Variants in MAP2K1 observed in about 807,000 individuals in gnomAD.
MAP2K1 encodes dual specificity mitogen-activated protein kinase kinase 1.
Under a neutral mutation model 46.3 loss-of-function variants are expected in MAP2K1, and 16 were observed. The observed-to-expected ratio is 0.35, with a 90% confidence interval of 0.23 to 0.52. The LOEUF (loss-of-function observed/expected upper bound fraction) is 0.52. Ranked by LOEUF, MAP2K1 falls within the 20% of genes least tolerant of loss-of-function variation. MAP2K1 has a pLI of 0.94. For synonymous variants in MAP2K1, 183 were observed against 185.6 expected, an observed-to-expected ratio of 0.99 and a Z score of 0.11; for missense variants, 263 against 497.1, an observed-to-expected ratio of 0.53 and a Z score of 4.48.
At chr15:66,422,569 T>C (rs1277678742) in intron 1 of MAP2K1, among the ~76,000 whole-genome samples, 3 of 152,190 alleles carry the variant, frequency 2.0e-5, no homozygotes, top group African/African-American at 7.2e-5. Flanking sequence ...ATGAATTATA[T>C]TGTAGTACCT....
At chr15:66,424,382 T>C (rs1053161938) in intron 1 of MAP2K1, among the ~76,000 whole-genome samples, 7 of 152,244 alleles carry the variant, frequency 4.6e-5, no homozygotes, top group Admixed American at 2.0e-4. Context: ...TTTGATTGAA[T>C]TTTGGATATT....
intron 1 of MAP2K1, among the ~76,000 whole-genome samples, chr15:66,402,280 T>A (rs2093383778): frequency 6.6e-6 from 1 of 152,216 alleles, no homozygotes; most frequent in African/African-American, 2.4e-5. Flanking sequence ...CTTTTGTGAT[T>A]AACTCTTTTT....
At chr15:66,456,908 T>C (rs1892178564) in intron 5 of MAP2K1, among the ~76,000 whole-genome samples, 1 of 152,274 alleles carries the variant, frequency 6.6e-6, no homozygotes, top group South Asian at 2.1e-4. Flanking sequence ...AAGCAAATTT[T>C]TAAAAAGTTT....
rs56200325 is a variant in MAP2K1 at position 66,435,144 on chromosome 15, C to T, written c.198C>T (p.Asp66=). ...AGAAGGTGGGAGAACTGAAGGATGACGACTTTGAGAAGATCAGTGAGCTGG... is the reference window on the plus strand; with the variant it reads ...AGAAGGTGGGAGAACTGAAGGATGATGACTTTGAGAAGATCAGTGAGCTGG... The part of the protein sequence containing the change: ...QKQKVGELKD[D]DFEKISELGA... Residue 66 remains aspartate (D), a synonymous_variant, in exon 2 of 11, where the codon GAC becomes GAT. Transcript: ENST00000307102. 28 of 1,613,950 alleles carry T rather than the reference C, an allele frequency of 1.7e-5. 1 individual carries two copies. The highest frequency in any genetic ancestry group is 1.6e-4 in the East Asian group (7 of 44,890).
chr15:66,472,165 G>A (rs1892651274), intron 5 of MAP2K1, among the ~76,000 whole-genome samples: 1 of 151,864 alleles, frequency 6.6e-6, no homozygotes, highest in African/African-American at 2.4e-5. Context: ...TTACCTGGAT[G>A]TGGTGGTGGG....
chr15:66,485,788 C>T (rs1283451975), intron 7 of MAP2K1, among the ~76,000 whole-genome samples: 2 of 152,074 alleles, frequency 1.3e-5, no homozygotes, highest in African/African-American at 2.4e-5. Context: ...TTATGTTGCT[C>T]AGGTTAGTCT....
At chr15:66,415,632 T>G (rs1192122063) in intron 1 of MAP2K1, among the ~76,000 whole-genome samples, 1 of 152,236 alleles carries the variant, frequency 6.6e-6, no homozygotes, top group East Asian at 1.9e-4. Context: ...CTTGTTGCCT[T>G]CAAGCTGACT....
At chr15:66,490,268 A>G in intron 10 of MAP2K1, 1 of 660,632 alleles carries the variant, frequency 1.5e-6, no homozygotes, top group Non-Finnish European at 2.8e-6. Flanking sequence ...CTGTCTCCAT[A>G]CTGCACGAGT....
chr15:66,482,550 A>C (rs1009917780), intron 6 of MAP2K1, among the ~76,000 whole-genome samples: 1 of 152,006 alleles, frequency 6.6e-6, no homozygotes, highest in Admixed American at 6.6e-5. Context: ...GCTGGCTCAC[A>C]CTGTCACCAG....
At chr15:66,481,718 G>C (rs2140667033) in intron 5 of MAP2K1, 37 bp from the exon 6 acceptor site, 1 of 1,608,060 alleles carries the variant, frequency 6.2e-7, no homozygotes. Context: ...ATCTACCTGT[G>C]TCAGTTCCCT....
At chr15:66,420,916 T>C (rs1045929282) in intron 1 of MAP2K1, among the ~76,000 whole-genome samples, 8 of 81,818 alleles carry the variant, frequency 9.8e-5, no homozygotes, top group African/African-American at 3.1e-4. Context: ...TACACACACA[T>C]ACATACATAT....
intron 1 of MAP2K1, among the ~76,000 whole-genome samples, chr15:66,396,259 A>G (rs906445620): frequency 6.6e-6 from 1 of 152,126 alleles, no homozygotes; most frequent in Non-Finnish European, 1.5e-5. Flanking sequence ...CTGGGATTAC[A>G]GGTGTGAGTC....
At chr15:66,476,985 TGG>T (rs1892768196) in intron 5 of MAP2K1, among the ~76,000 whole-genome samples, 1 of 152,206 alleles carries the variant, frequency 6.6e-6, no homozygotes, top group Admixed American at 6.5e-5. Flanking sequence ...CAGCATGCTC[TGG>T]GGTTCAGTGA....
intron 1 of MAP2K1, among the ~76,000 whole-genome samples, chr15:66,425,482 A>G (rs543686641): frequency 3.2e-4 from 48 of 152,220 alleles, no homozygotes; most frequent in African/African-American, 1.1e-3. Flanking sequence ...TAGGTGAGAA[A>G]AGTCTCATAG....
At chr15:66,483,877 A>G (rs901634051) in intron 6 of MAP2K1, among the ~76,000 whole-genome samples, 2 of 150,782 alleles carry the variant, frequency 1.3e-5, no homozygotes, top group Admixed American at 1.3e-4. Context: ...CCTCCCGAGT[A>G]GCTGGAACTA....
intron 5 of MAP2K1, among the ~76,000 whole-genome samples, chr15:66,449,669 T>C (rs1015117150): frequency 3.3e-5 from 5 of 152,108 alleles, no homozygotes; most frequent in African/African-American, 1.2e-4. Flanking sequence ...TCACCTGAGG[T>C]CATGAGTTTG....
At chr15:66,483,602 G>C (rs985852793) in intron 6 of MAP2K1, among the ~76,000 whole-genome samples, 2 of 152,106 alleles carry the variant, frequency 1.3e-5, no homozygotes, top group Non-Finnish European at 1.5e-5. Flanking sequence ...TTTCGGTAGG[G>C]TTCTTGAAAT....
At chr15:66,478,747 G>A (rs1350059552) in intron 5 of MAP2K1, among the ~76,000 whole-genome samples, 1 of 151,980 alleles carries the variant, frequency 6.6e-6, no homozygotes, top group East Asian at 1.9e-4. Context: ...AAAGTGCTGG[G>A]GTTACAGACG....
In MAP2K1 at chr15:66,387,039, GTT is replaced by G; in HGVS notation, c.-308_-307del. 2.9e-6 allele frequency: 1 copy of G among 347,592 alleles called. No individual in the cohort carries two copies. The highest frequency in any genetic ancestry group is 5.0e-5 in the Admixed American group (1 of 20,028). 21.5% of individuals were successfully genotyped at this position (347,592 alleles called of 1,614,324 possible). On this transcript the variant is annotated 5_prime_UTR_variant, in exon 1 of 11. Transcript: ENST00000307102. ...CCGCCCGAGCCGGAGGGACTGGTTG[GTT>G]GAGAGAGAGAGAGGAAGGGAATCCC...
Sources: allele counts gnomAD v4.1 joint callset (sites outside exome capture counted in the v4.1 genomes callset), GRCh38; gene constraint gnomAD v4.1.1; transcripts MANE v1.5; gene names NCBI Gene and HGNC (gene_info 2026-07-23, HGNC 2026-07-21).